LARGE1: variants seen among roughly 807,000 people sequenced by gnomAD.
LARGE1 encodes xylosyl- and glucuronyltransferase LARGE1.
In LARGE1, 43 loss-of-function variants were observed where a neutral mutation model predicts 87.6. The observed-to-expected ratio is 0.49, with a 90% CI of 0.38 to 0.63. The LOEUF (loss-of-function observed/expected upper bound fraction) is 0.63. Among genes scored for constraint, LARGE1 ranks in the 30% least tolerant of loss-of-function variants. The pLI, the probability that LARGE1 is intolerant of heterozygous loss-of-function variation, is 0.00. For synonymous variants in LARGE1, 434 were observed against 394.6 expected (o/e 1.10, Z -1.18); for missense variants, 802 against 1,000.2 (o/e 0.80, Z 2.67).
intron 7 of LARGE1, among the ~76,000 whole-genome samples, chr22:33,414,786 G>T (rs1601757371): frequency 6.6e-6 from 1 of 152,136 alleles, no homozygotes; most frequent in African/African-American, 2.4e-5. Flanking sequence ...CAGTCCTCAA[G>T]AATGGGATTT....
At chr22:33,493,350 G>A (rs577554445) in intron 6 of LARGE1, among the ~76,000 whole-genome samples, 3 of 151,762 alleles carry the variant, frequency 2.0e-5, no homozygotes, top group African/African-American at 7.3e-5. Flanking sequence ...TAGTAGAGAC[G>A]GGGTTTCACC....
At chr22:33,784,251 G>A (rs141665411) in intron 1 of LARGE1, among the ~76,000 whole-genome samples, 59 of 152,268 alleles carry the variant, frequency 3.9e-4, no homozygotes, top group Non-Finnish European at 7.6e-4. Flanking sequence ...TTTCTGCAAT[G>A]CCAAGCTCTA....
At chr22:33,910,875 G>C in intron 1 of LARGE1, among the ~76,000 whole-genome samples, 1 of 152,204 alleles carries the variant, frequency 6.6e-6, no homozygotes, top group East Asian at 1.9e-4. Context: ...GGAGTCCTAG[G>C]AAATACAGCG....
intron 2 of LARGE1, among the ~76,000 whole-genome samples, chr22:33,713,115 T>G (rs1809212564): frequency 6.6e-6 from 1 of 152,156 alleles, no homozygotes; most frequent in South Asian, 2.1e-4. Flanking sequence ...TTCTTATAAT[T>G]AATCAGTTTT....
At chr22:33,210,141 G>T (rs56951294) in intron 11 of LARGE1, among the ~76,000 whole-genome samples, 4,603 of 152,320 alleles carry the variant, frequency 0.03, 95 homozygotes, top group Admixed American at 0.056. Context: ...ATCCAGAGCC[G>T]TGTTCTCCAG....
At chr22:33,306,152 C>G (rs1453106899) in intron 11 of LARGE1, among the ~76,000 whole-genome samples, 1 of 152,128 alleles carries the variant, frequency 6.6e-6, no homozygotes, top group East Asian at 1.9e-4. Context: ...CCGACCAGAG[C>G]CATTTCTTAA....
chr22:33,675,289 CATCAAAAA>C (rs2081537250), intron 2 of LARGE1, among the ~76,000 whole-genome samples: 1 of 7,928 alleles, frequency 1.3e-4, no homozygotes, highest in Non-Finnish European at 2.2e-4. Flanking sequence ...AGCGAAACTC[CATCAAAAA>C]AAAAAAAAAA....
chr22:33,360,921 T>A (rs796224409), intron 9 of LARGE1, among the ~76,000 whole-genome samples: 1 of 149,706 alleles, frequency 6.7e-6, no homozygotes, highest in Non-Finnish European at 1.5e-5. Flanking sequence ...GTAATCCCGA[T>A]AAAACCCCAT....
chr22:33,474,001 G>A (rs1443573004), intron 6 of LARGE1, among the ~76,000 whole-genome samples: 1 of 152,148 alleles, frequency 6.6e-6, no homozygotes, highest in African/African-American at 2.4e-5. Flanking sequence ...CATCTTTGGA[G>A]GGGAAAGGAG....
At chr22:33,502,951 C>T (rs1036319991) in intron 6 of LARGE1, among the ~76,000 whole-genome samples, 2 of 152,174 alleles carry the variant, frequency 1.3e-5, no homozygotes, top group East Asian at 1.9e-4. Context: ...TGAATCCTCA[C>T]ATCCATTCAT....
the LARGE1 span, among the ~76,000 whole-genome samples, chr22:33,144,349 T>C: frequency 6.6e-6 from 1 of 152,156 alleles, no homozygotes; most frequent in African/African-American, 2.4e-5. Context: ...TTTTTAATCA[T>C]AAGATTAATA....
At position 33,846,722 on chromosome 22, in the gene LARGE1, C is replaced by G. The variant is rs574230995; in HGVS notation, c.-83+73273G>C. On this transcript the variant is annotated intron_variant, in intron 1 of 14. Coordinates refer to ENST00000397394, the MANE Select transcript of LARGE1 (RefSeq NM_133642.5). ...TATAAACGGCCCCCACTAGGTGTGCCCATCTTCTATGGTCAAGGCTGTAGG... is the reference window on the plus strand; with the variant it reads ...TATAAACGGCCCCCACTAGGTGTGCGCATCTTCTATGGTCAAGGCTGTAGG... Among the ~76,000 whole-genome samples, 12 of 152,262 alleles carry G rather than the reference C, an allele frequency of 7.9e-5. No individual in the cohort carries two copies. In the South Asian group the frequency reaches 2.3e-3, roughly 29 times the overall value.
chr22:33,302,592 T>C (rs981094366), intron 12 of LARGE1, among the ~76,000 whole-genome samples: 2 of 152,026 alleles, frequency 1.3e-5, no homozygotes, highest in Non-Finnish European at 2.9e-5. Flanking sequence ...GTTTAAAGAC[T>C]CCTAGAAGCT....
intron 1 of LARGE1, among the ~76,000 whole-genome samples, chr22:33,881,645 T>A (rs2064686818): frequency 6.6e-6 from 1 of 152,238 alleles, no homozygotes; most frequent in Admixed American, 6.5e-5. Context: ...CAGTTTTGTT[T>A]AAATAGTTCC....
At chr22:33,283,495 GC>G in intron 12 of LARGE1, 147 bp from the exon 13 acceptor site, 1 of 868,560 alleles carries the variant, frequency 1.2e-6, no homozygotes, top group Non-Finnish European at 1.9e-6. Context: ...GGGAAACTGG[GC>G]CAGGTGCGAT....
intron 7 of LARGE1, among the ~76,000 whole-genome samples, chr22:33,386,118 C>T (rs2065315332): frequency 6.7e-6 from 1 of 148,930 alleles, no homozygotes; most frequent in African/African-American, 2.4e-5. Flanking sequence ...ATTAGATCTG[C>T]TGCATAGGTC....
At chr22:33,490,479 CAT>C (rs774066695) in intron 6 of LARGE1, among the ~76,000 whole-genome samples, 27 of 152,304 alleles carry the variant, frequency 1.8e-4, no homozygotes, top group East Asian at 1.7e-3. Context: ...GCTCAGTAAA[CAT>C]GTGTTGTTTC....
chr22:33,577,683 G>C (rs1369649893), intron 5 of LARGE1, among the ~76,000 whole-genome samples: 4 of 152,208 alleles, frequency 2.6e-5, no homozygotes, highest in Non-Finnish European at 5.9e-5. Context: ...TTAGCACTTT[G>C]TAGGTGACAC....
chr22:33,444,587 AT>A (rs1283648134), intron 6 of LARGE1, among the ~76,000 whole-genome samples: 1 of 152,182 alleles, frequency 6.6e-6, no homozygotes, highest in Non-Finnish European at 1.5e-5. Context: ...AGATGTAGTA[AT>A]TCTTGTTGAA....
Sources: gnomAD v4.1 joint callset for allele counts (sites outside exome capture counted in the v4.1 genomes callset) on GRCh38, gnomAD v4.1.1 for gene constraint, MANE v1.5 for transcripts, NCBI Gene and HGNC (gene_info 2026-07-23, HGNC 2026-07-21) for gene names.